CTNND2: variants seen among roughly 807,000 people sequenced by gnomAD.
CTNND2 encodes catenin delta-2.
A neutral mutation model predicts 144.4 loss-of-function variants in CTNND2; 22 were observed. The observed-to-expected ratio is 0.15, with a 90% CI of 0.11 to 0.22. The LOEUF (loss-of-function observed/expected upper bound fraction) is 0.22, where lower values mean the gene tolerates loss of function less well. Among genes scored for constraint, CTNND2 ranks in the 10% least tolerant of loss-of-function variants. CTNND2 has a pLI of 1.00. For synonymous variants in CTNND2, 751 were observed against 695.6 expected (o/e 1.08, Z -1.25); for missense variants, 1,353 against 1,618.8 (o/e 0.84, Z 2.82).
chr5:11,544,992 C>T (rs968593096), intron 3 of CTNND2, among the ~76,000 whole-genome samples: 6 of 151,774 alleles, frequency 4.0e-5, no homozygotes, highest in Non-Finnish European at 5.9e-5. Context: ...TGTGATGACG[C>T]GTGTCTGTAA....
At chr5:11,521,861 A>G (rs1772754441) in intron 3 of CTNND2, among the ~76,000 whole-genome samples, 1 of 152,220 alleles carries the variant, frequency 6.6e-6, no homozygotes, top group Non-Finnish European at 1.5e-5. Context: ...TTCTATTACA[A>G]TGACAGGTGA....
intron 1 of CTNND2, among the ~76,000 whole-genome samples, chr5:11,776,935 G>A (rs962907056): frequency 2.6e-5 from 4 of 151,948 alleles, no homozygotes; most frequent in African/African-American, 9.7e-5. Context: ...TTATACTACT[G>A]GACATCCACA....
intron 20 of CTNND2, among the ~76,000 whole-genome samples, chr5:10,982,371 T>C (rs977408159): frequency 6.6e-6 from 1 of 152,234 alleles, no homozygotes; most frequent in Non-Finnish European, 1.5e-5. Flanking sequence ...GCCTGCGGCT[T>C]TGGAATCAAA....
At chr5:11,775,667 G>C (rs1398053359) in intron 1 of CTNND2, among the ~76,000 whole-genome samples, 1 of 152,202 alleles carries the variant, frequency 6.6e-6, no homozygotes, top group Non-Finnish European at 1.5e-5. Flanking sequence ...GCTGCTTTCA[G>C]AGGAGTCAAA....
At chr5:11,292,009 G>C (rs1271835755) in intron 9 of CTNND2, among the ~76,000 whole-genome samples, 1 of 151,900 alleles carries the variant, frequency 6.6e-6, no homozygotes, top group African/African-American at 2.4e-5. Context: ...CTCCTTTTGA[G>C]TTTCTAGCTC....
intron 16 of CTNND2, among the ~76,000 whole-genome samples, chr5:11,053,695 C>T (rs1746072331): frequency 1.3e-5 from 2 of 152,108 alleles, no homozygotes; most frequent in Admixed American, 6.5e-5. Context: ...GTAATTAAAG[C>T]TTAGGAGTTC....
intron 9 of CTNND2, among the ~76,000 whole-genome samples, chr5:11,246,142 C>T (rs1742972753): frequency 6.6e-6 from 1 of 152,138 alleles, no homozygotes; most frequent in Non-Finnish European, 1.5e-5. Flanking sequence ...AGCAAAGGTT[C>T]CTATTCTTGG....
chr5:11,228,373 A>AC (rs1740604307), intron 10 of CTNND2, among the ~76,000 whole-genome samples: 1 of 149,192 alleles, frequency 6.7e-6, no homozygotes, highest in Non-Finnish European at 1.5e-5. Flanking sequence ...AAAAAAAAAA[A>AC]AAAAAACAAA....
chr5:11,823,267 A>C lies in CTNND2; in HGVS notation c.37+80550T>G, dbSNP rs147683409. On this transcript the variant is annotated intron_variant, in intron 1 of 21. Transcript: ENST00000304623. ...AAAGACTAATGAAAAGATGAAATTAAACAAAACCACTAATGATGCATGCAA... is the reference window on the plus strand; with the variant it reads ...AAAGACTAATGAAAAGATGAAATTACACAAAACCACTAATGATGCATGCAA... 5.3e-4 allele frequency among the ~76,000 whole-genome samples: 80 copies of C among 152,350 alleles called. 1 individual carries two copies. In the East Asian group the frequency reaches 8.9e-3, roughly 17 times the overall value.
intron 2 of CTNND2, among the ~76,000 whole-genome samples, chr5:11,673,760 C>A (rs189295518): frequency 1.3e-5 from 2 of 152,048 alleles, no homozygotes; most frequent in African/African-American, 2.4e-5. Context: ...ACATTTATAA[C>A]TTCAGATAAA....
In CTNND2 at chr5:11,295,422, G is replaced by T. The variant is rs529599386; in HGVS notation, c.1628+50950C>A. 2.2e-3 allele frequency among the ~76,000 whole-genome samples: 338 copies of T among 152,270 alleles called. 1 individual carries two copies. The highest frequency in any genetic ancestry group is 4.0e-3 in the African/African-American group (165 of 41,556). On this transcript the variant is annotated intron_variant, in intron 9 of 21. Transcript: ENST00000304623. Reference sequence around the variant, plus strand: ...GCCATACTGCCCAAGGTAATTTATAGATTCAATGCCATCCCCATCAAGCTA... The same window carrying T: ...GCCATACTGCCCAAGGTAATTTATATATTCAATGCCATCCCCATCAAGCTA...
At chr5:11,307,729 G>A (rs569842028) in intron 9 of CTNND2, among the ~76,000 whole-genome samples, 7 of 152,246 alleles carry the variant, frequency 4.6e-5, no homozygotes, top group Non-Finnish European at 8.8e-5. Context: ...TTACTTTTAA[G>A]GGCAAACATG....
At chr5:10,982,770 G>C (rs1737447898) in intron 20 of CTNND2, among the ~76,000 whole-genome samples, 1 of 152,218 alleles carries the variant, frequency 6.6e-6, no homozygotes, top group Non-Finnish European at 1.5e-5. Context: ...ACAGATGAAT[G>C]GTTAAAGAAA....
intron 2 of CTNND2, among the ~76,000 whole-genome samples, chr5:11,580,952 T>C (rs943810107): frequency 6.6e-6 from 1 of 152,188 alleles, no homozygotes; most frequent in Admixed American, 6.5e-5. Flanking sequence ...ACCTTTGCAT[T>C]GCCCTCTTGT....
intron 10 of CTNND2, among the ~76,000 whole-genome samples, chr5:11,225,967 A>C (rs1443255964): frequency 6.6e-6 from 1 of 152,224 alleles, no homozygotes; most frequent in Non-Finnish European, 1.5e-5. Context: ...GGCCATGTGA[A>C]GACAGAGGCA....
At position 11,280,952 on chromosome 5, in the gene CTNND2, G is replaced by C. The variant is rs955533477; in HGVS notation, c.1629-44129C>G. ...GTGGTGTACGAAATGATGGCCCTGG[G>C]TTGGGAGAAAGCCTCATTTCAGATC... is the stretch of plus-strand genomic sequence containing the variant. On this transcript the variant is annotated intron_variant, in intron 9 of 21. Transcript: ENST00000304623. Among the ~76,000 whole-genome samples, 14 of 152,230 alleles carry C rather than the reference G, an allele frequency of 9.2e-5. No individual in the cohort carries two copies. The East Asian group carries it at 1.9e-3, about 21-fold the overall frequency.
intron 18 of CTNND2, among the ~76,000 whole-genome samples, chr5:11,011,029 G>A (rs1741019561): frequency 6.6e-6 from 1 of 152,190 alleles, no homozygotes; most frequent in Non-Finnish European, 1.5e-5. Flanking sequence ...CACTGTGCAA[G>A]ATAACAACAT....
At chr5:11,711,048 T>G (rs1785999061) in intron 2 of CTNND2, among the ~76,000 whole-genome samples, 1 of 151,902 alleles carries the variant, frequency 6.6e-6, no homozygotes, top group Non-Finnish European at 1.5e-5. Flanking sequence ...CCATTCTTCT[T>G]ACCAATGATT....
At chr5:11,461,130 C>A (rs1766182221) in intron 3 of CTNND2, among the ~76,000 whole-genome samples, 3 of 152,038 alleles carry the variant, frequency 2.0e-5, no homozygotes, top group Non-Finnish European at 4.4e-5. Context: ...TCTCCCCTCA[C>A]TAGATGTAAC....
Sources: allele counts gnomAD v4.1 joint callset (sites outside exome capture counted in the v4.1 genomes callset), GRCh38; gene constraint gnomAD v4.1.1; transcripts MANE v1.5; gene names NCBI Gene and HGNC (gene_info 2026-07-23, HGNC 2026-07-21).